The following KCND2 variants were observed in gnomAD, a reference collection of about 807,000 sequenced individuals.
KCND2 encodes the protein potassium voltage-gated channel subfamily D member 2.
In KCND2, 16 loss-of-function variants were observed where a neutral mutation model predicts 54.4. The observed-to-expected ratio is 0.29, with a 90% CI of 0.20 to 0.45. The LOEUF is 0.45. Among genes scored for constraint, KCND2 ranks in the 20% least tolerant of loss-of-function variants. The pLI is 1.00. For missense variants in KCND2, 486 were observed against 824.2 expected (o/e 0.59, Z 5.02); for synonymous variants, 317 against 310.7 (o/e 1.02, Z -0.21).
At chr7:120,469,552 T>C (rs10276390) in intron 1 of KCND2, among the ~76,000 whole-genome samples, 41,160 of 151,980 alleles carry the variant, frequency 0.27, 7,351 homozygotes, top group African/African-American at 0.49. Flanking sequence ...TCTGTTTCAG[T>C]AGCAGAGGAT....
chr7:120,664,092 G>A (rs1026054453), intron 1 of KCND2, among the ~76,000 whole-genome samples: 3 of 152,030 alleles, frequency 2.0e-5, no homozygotes, highest in African/African-American at 4.8e-5. Flanking sequence ...TTATGCGTGC[G>A]CGTGTGCACA....
intron 1 of KCND2, among the ~76,000 whole-genome samples, chr7:120,629,232 A>T (rs972156426): frequency 5.9e-5 from 9 of 152,380 alleles, no homozygotes; most frequent in Admixed American, 4.6e-4. Flanking sequence ...TCACGCCTGT[A>T]ATCCCACCAC....
chr7:120,330,581 CAAAAAA>C (rs3067024), intron 1 of KCND2, among the ~76,000 whole-genome samples: 45 of 48,380 alleles, frequency 9.3e-4, no homozygotes, highest in Non-Finnish European at 1.2e-3. Flanking sequence ...AACTCTGTCT[CAAAAAA>C]AAAAAAAAAA....
At chr7:120,500,894 A>G (rs1802921810) in intron 1 of KCND2, among the ~76,000 whole-genome samples, 1 of 151,652 alleles carries the variant, frequency 6.6e-6, no homozygotes, top group Non-Finnish European at 1.5e-5. Flanking sequence ...TCTATGAGTA[A>G]ATATTTACTT....
At chr7:120,432,898 A>C (rs1303931069) in intron 1 of KCND2, among the ~76,000 whole-genome samples, 1 of 151,974 alleles carries the variant, frequency 6.6e-6, no homozygotes, top group African/African-American at 2.4e-5. Flanking sequence ...AAATCGACTC[A>C]CTTCACTGCA....
intron 1 of KCND2, among the ~76,000 whole-genome samples, chr7:120,701,585 G>A (rs1792403232): frequency 6.6e-6 from 1 of 152,106 alleles, no homozygotes. Context: ...AAACAGCTTG[G>A]TACTGGTATA....
intron 1 of KCND2, among the ~76,000 whole-genome samples, chr7:120,532,256 C>T (rs1395484435): frequency 6.6e-6 from 1 of 151,760 alleles, no homozygotes; most frequent in Non-Finnish European, 1.5e-5. Context: ...TACATGTGAA[C>T]ATGTGATATA....
At chr7:120,534,258 T>C (rs572172453) in intron 1 of KCND2, among the ~76,000 whole-genome samples, 1 of 152,232 alleles carries the variant, frequency 6.6e-6, no homozygotes, top group South Asian at 2.1e-4. Context: ...GTTAACATCC[T>C]CAGTGATAAG....
intron 1 of KCND2, among the ~76,000 whole-genome samples, chr7:120,443,269 G>T (rs112747008): frequency 0.015 from 2,212 of 151,672 alleles, 36 homozygotes; most frequent in Non-Finnish European, 0.021. Flanking sequence ...ATTAGATATG[G>T]TTTCCTCCCC....
intron 1 of KCND2, among the ~76,000 whole-genome samples, chr7:120,516,884 A>G (rs1055939153): frequency 6.6e-6 from 1 of 152,182 alleles, no homozygotes; most frequent in Non-Finnish European, 1.5e-5. Context: ...GTAACAATTA[A>G]TGTGAACAGG....
intron 1 of KCND2, among the ~76,000 whole-genome samples, chr7:120,295,772 AT>A (rs1436472660): frequency 6.6e-6 from 1 of 151,928 alleles, no homozygotes; most frequent in Non-Finnish European, 1.5e-5. Context: ...ATTAAGTGAA[AT>A]TTTTCTCACT....
chr7:120,691,374 A>C (rs138433173), intron 1 of KCND2, among the ~76,000 whole-genome samples: 30 of 152,332 alleles, frequency 2.0e-4, no homozygotes, highest in Middle Eastern at 3.4e-3. Flanking sequence ...GGTTTGAACC[A>C]GGGTGTTGCC....
Position 120,482,916 on chromosome 7 carries a change from A to G in KCND2, c.1115+207169A>G, listed in dbSNP as rs572845130. Among the ~76,000 whole-genome samples, 10 of 152,306 alleles carry G rather than the reference A, an allele frequency of 6.6e-5. 1 individual carries two copies. The South Asian group carries it at 2.1e-3, about 32-fold the overall frequency. Reference sequence around the variant, plus strand: ...TTGCTTATGATTAATTGCGTCACTTATTACTCATGACCCTACTATTGACCC... The same window carrying G: ...TTGCTTATGATTAATTGCGTCACTTGTTACTCATGACCCTACTATTGACCC... On this transcript the variant is annotated intron_variant, in intron 1 of 5. Transcript: ENST00000331113.
chr7:120,350,191 A>G (rs1284493109), intron 1 of KCND2, among the ~76,000 whole-genome samples: 1 of 152,094 alleles, frequency 6.6e-6, no homozygotes, highest in Admixed American at 6.5e-5. Flanking sequence ...TCATTCAGGA[A>G]AGCAGACATC....
chr7:120,631,408 G>T (rs561403520), intron 1 of KCND2, among the ~76,000 whole-genome samples: 5 of 152,150 alleles, frequency 3.3e-5, no homozygotes, highest in African/African-American at 9.6e-5. Flanking sequence ...AAATAAAATT[G>T]TAGGGACTCA....
chr7:120,648,470 A>G (rs1387680001), intron 1 of KCND2, among the ~76,000 whole-genome samples: 1 of 152,170 alleles, frequency 6.6e-6, no homozygotes, highest in Non-Finnish European at 1.5e-5. Context: ...AAAAAGGCAA[A>G]TAAGAAGGTT....
At chr7:120,362,205 G>A (rs956811704) in intron 1 of KCND2, among the ~76,000 whole-genome samples, 1 of 151,968 alleles carries the variant, frequency 6.6e-6, no homozygotes, top group Non-Finnish European at 1.5e-5. Flanking sequence ...TTTATTGTCC[G>A]TTACCCTCTC....
At chr7:120,457,143 C>T (rs1237996861) in intron 1 of KCND2, among the ~76,000 whole-genome samples, 1 of 152,160 alleles carries the variant, frequency 6.6e-6, no homozygotes, top group Admixed American at 6.5e-5. Context: ...TAGGGGATCC[C>T]CGGGCCTGGC....
At chr7:120,699,942 A>C (rs947751105) in intron 1 of KCND2, among the ~76,000 whole-genome samples, 1 of 152,236 alleles carries the variant, frequency 6.6e-6, no homozygotes, top group African/African-American at 2.4e-5. Context: ...TAGAACCCCA[A>C]TAAAAACAAT....
Sources: allele counts gnomAD v4.1 joint callset (sites outside exome capture counted in the v4.1 genomes callset), GRCh38; gene constraint gnomAD v4.1.1; transcripts MANE v1.5; gene names NCBI Gene and HGNC (gene_info 2026-07-23, HGNC 2026-07-21).